Variants in PDE7B observed in about 807,000 individuals in gnomAD.
PDE7B encodes the protein phosphodiesterase 7B.
PDE7B carries 29 observed loss-of-function variants against 56.2 expected under a neutral mutation model. That is an observed-to-expected ratio of 0.52 (90% CI 0.38 to 0.70). PDE7B has a LOEUF of 0.70. Ranked by LOEUF, PDE7B falls within the 30% of genes least tolerant of loss-of-function variation. The pLI is 0.00. For missense variants in PDE7B, 490 were observed against 565.0 expected (o/e 0.87, Z 1.35); for synonymous variants, 197 against 196.9 (o/e 1.00, Z 0.00).
chr6:135,998,565 G>A (rs552334421), intron 2 of PDE7B, among the ~76,000 whole-genome samples: 1 of 151,950 alleles, frequency 6.6e-6, no homozygotes, highest in East Asian at 1.9e-4. Flanking sequence ...GACCATCCTG[G>A]CTAACACGGT....
chr6:136,190,126 C>G (rs1344022852), intron 12 of PDE7B, among the ~76,000 whole-genome samples: 2 of 152,100 alleles, frequency 1.3e-5, no homozygotes, highest in African/African-American at 4.8e-5. Context: ...AATATCTCAT[C>G]TCTTTGAAGG....
At chr6:136,162,638 A>C (rs936082048) in intron 8 of PDE7B, among the ~76,000 whole-genome samples, 1 of 152,034 alleles carries the variant, frequency 6.6e-6, no homozygotes, top group African/African-American at 2.4e-5. Context: ...TCCAGCATTA[A>C]CCCAAAAGTC....
In PDE7B at chr6:136,190,486, T is replaced by C. The variant is rs188846759; in HGVS notation, c.1127-1128T>C. Among the ~76,000 whole-genome samples, 46 of 152,326 alleles carry C rather than the reference T, an allele frequency of 3.0e-4. 1 individual carries two copies. In the East Asian group the frequency reaches 7.7e-3, roughly 26 times the overall value. ...AACCTATCCTTGTAATTCACATGCC[T>C]GTAAACATACAGGATTAGTGTTGGA... On this transcript the variant is annotated intron_variant, in intron 12 of 12. Transcript: ENST00000308191.
rs573523725 is a variant in PDE7B, at chr6:136,138,941, G to A, written c.167-8410G>A. On this transcript the variant is annotated intron_variant, in intron 3 of 12. Transcript: ENST00000308191. ...AAAATTAACTATGAAAAGATTTGTT[G>A]GCTAGCTTTATTTAATTACTGGATT... is the stretch of plus-strand genomic sequence containing the variant. Among the ~76,000 whole-genome samples, 15 of 152,078 alleles carry A rather than the reference G, an allele frequency of 9.9e-5. No homozygotes were observed. In the East Asian group the frequency reaches 1.5e-3, roughly 16 times the overall value.
At chr6:136,112,810 G>T (rs968506510) in intron 3 of PDE7B, among the ~76,000 whole-genome samples, 1 of 152,098 alleles carries the variant, frequency 6.6e-6, no homozygotes, top group African/African-American at 2.4e-5. Flanking sequence ...GCGGGGAGGG[G>T]AAGCACATGT....
intron 2 of PDE7B, among the ~76,000 whole-genome samples, chr6:136,097,279 G>A (rs893990143): frequency 6.6e-6 from 1 of 152,052 alleles, no homozygotes; most frequent in Non-Finnish European, 1.5e-5. Flanking sequence ...ATCTCTTGAG[G>A]GCATGTATTT....
intron 8 of PDE7B, among the ~76,000 whole-genome samples, chr6:136,172,615 C>T (rs1480662873): frequency 5.3e-5 from 8 of 151,912 alleles, no homozygotes; most frequent in Non-Finnish European, 8.8e-5. Flanking sequence ...GTTTCTTTTG[C>T]TGTGCAGAAG....
intron 1 of PDE7B, among the ~76,000 whole-genome samples, chr6:135,921,966 C>G (rs1350523895): frequency 6.6e-6 from 1 of 152,076 alleles, no homozygotes; most frequent in African/African-American, 2.4e-5. Context: ...AGAACTCTCT[C>G]CCTCATTCAA....
intron 8 of PDE7B, among the ~76,000 whole-genome samples, chr6:136,158,857 C>T (rs752515835): frequency 2.6e-5 from 4 of 152,200 alleles, no homozygotes; most frequent in Non-Finnish European, 5.9e-5. Context: ...TCCAACCCCA[C>T]ACATACAAAT....
At chr6:136,109,151 A>G (rs574565857) in intron 3 of PDE7B, among the ~76,000 whole-genome samples, 1 of 152,294 alleles carries the variant, frequency 6.6e-6, no homozygotes, top group East Asian at 1.9e-4. Context: ...GAGTTGGGCA[A>G]CAGAGTGAGA....
chr6:135,894,143 A>G (rs1246738488), intron 1 of PDE7B, among the ~76,000 whole-genome samples: 1 of 152,216 alleles, frequency 6.6e-6, no homozygotes, highest in Non-Finnish European at 1.5e-5. Flanking sequence ...AAATGTTTCT[A>G]GGTTAAAATG....
chr6:136,158,993 A>G (rs1279379762), intron 8 of PDE7B, among the ~76,000 whole-genome samples: 2 of 152,238 alleles, frequency 1.3e-5, no homozygotes, highest in Admixed American at 6.5e-5. Flanking sequence ...AGAGTCCAAC[A>G]ACATGGACTC....
Position 136,122,240 on chromosome 6 carries a change from C to T in PDE7B, c.166+13426C>T, listed in dbSNP as rs945985193. Among the ~76,000 whole-genome samples, 3 of 152,160 alleles carry T rather than the reference C, an allele frequency of 2.0e-5. No homozygotes were observed. The East Asian group carries it at 5.8e-4, about 29-fold the overall frequency. On this transcript the variant is annotated intron_variant, in intron 3 of 12. Coordinates refer to ENST00000308191, the MANE Select transcript of PDE7B (RefSeq NM_018945.4). Reference sequence around the variant, plus strand: ...TGGATCTCCTGACCCCATGATCCGCCTGTCTCGGCCTCCCAAAGTGCTGGG... The same window carrying T: ...TGGATCTCCTGACCCCATGATCCGCTTGTCTCGGCCTCCCAAAGTGCTGGG...
chr6:136,192,002 C>T lies in PDE7B; in HGVS notation c.*162C>T, dbSNP rs556245666. On this transcript the variant is annotated 3_prime_UTR_variant, in exon 13 of 13. Transcript: ENST00000308191. ...CCACTTACCTGCCTCCCCTCCTTTT[C>T]GCAAATGTACAGAAGCCATTTGTCA... 1.6e-5 allele frequency: 10 copies of T among 618,566 alleles called. No individual in the cohort carries two copies. Among genetic ancestry groups the T allele is most frequent in the Non-Finnish European group, 2.6e-5 (9 of 352,592 alleles). 38.3% of individuals were successfully genotyped at this position (618,566 alleles called of 1,614,324 possible).
chr6:135,940,721 C>T (rs78187028), intron 1 of PDE7B, among the ~76,000 whole-genome samples: 2,886 of 152,296 alleles, frequency 0.019, 92 homozygotes, highest in African/African-American at 0.063. Flanking sequence ...TGTCAGGTTT[C>T]GCCCTTCATC....
At chr6:136,178,964 G>A (rs1266193130) in intron 9 of PDE7B, 33 bp from the exon 10 acceptor site, 1 of 1,612,390 alleles carries the variant, frequency 6.2e-7, no homozygotes, top group African/African-American at 1.3e-5. Flanking sequence ...TTTGCTTTGT[G>A]TGTGTTTTTC....
intron 3 of PDE7B, among the ~76,000 whole-genome samples, chr6:136,120,658 G>C (rs1355984954): frequency 6.6e-6 from 1 of 152,158 alleles, no homozygotes; most frequent in Non-Finnish European, 1.5e-5. Flanking sequence ...TAGCAAGCCA[G>C]GTAGAGAACA....
At chr6:136,058,199 G>A (rs963794717) in intron 2 of PDE7B, among the ~76,000 whole-genome samples, 7 of 152,320 alleles carry the variant, frequency 4.6e-5, no homozygotes, top group South Asian at 4.1e-4. Flanking sequence ...TTTGTAAAGA[G>A]ATCAACATAC....
At chr6:135,857,578 G>A (rs1775059982) in intron 1 of PDE7B, among the ~76,000 whole-genome samples, 1 of 152,076 alleles carries the variant, frequency 6.6e-6, no homozygotes, top group African/African-American at 2.4e-5. Context: ...GATACCTGAA[G>A]GTACCAAACG....
Sources: allele counts gnomAD v4.1 joint callset (sites outside exome capture counted in the v4.1 genomes callset), GRCh38; gene constraint gnomAD v4.1.1; transcripts MANE v1.5; gene names NCBI Gene and HGNC (gene_info 2026-07-23, HGNC 2026-07-21).